The following SLC35D1 variants were observed in gnomAD, a reference collection of about 807,000 sequenced individuals.
SLC35D1 encodes nucleotide sugar transporter SLC35D1.
A neutral mutation model predicts 46.7 loss-of-function variants in SLC35D1; 31 were observed. The observed-to-expected ratio is 0.66, with a 90% CI of 0.50 to 0.90. The LOEUF (loss-of-function observed/expected upper bound fraction) is 0.90. Ranked by LOEUF, SLC35D1 falls within the 40% of genes least tolerant of loss-of-function variation. The pLI is 0.00. For missense variants in SLC35D1, 397 were observed against 426.2 expected, an observed-to-expected ratio of 0.93 and a Z score of 0.60; for synonymous variants, 195 against 164.6, an observed-to-expected ratio of 1.18 and a Z score of -1.41.
intron 7 of SLC35D1, among the ~76,000 whole-genome samples, chr1:67,044,959 A>T (rs1219170752): frequency 6.6e-6 from 1 of 152,180 alleles, no homozygotes; most frequent in Non-Finnish European, 1.5e-5. Context: ...TGCCTCTGGG[A>T]TAAACCAAGT....
At chr1:67,030,046 C>G (rs1380713470) in intron 8 of SLC35D1, among the ~76,000 whole-genome samples, 3 of 151,516 alleles carry the variant, frequency 2.0e-5, no homozygotes, top group Non-Finnish European at 4.4e-5. Flanking sequence ...AAGGCATAAC[C>G]CAGTAAGCCA....
the SLC35D1 span, among the ~76,000 whole-genome samples, chr1:66,980,802 A>G: frequency 2.6e-5 from 4 of 152,078 alleles, no homozygotes; most frequent in East Asian, 7.7e-4. Flanking sequence ...TGCAGTATCT[A>G]GTATCAGCAA....
intron 7 of SLC35D1, 51 bp downstream of exon 7, chr1:67,047,214 T>G: frequency 7.0e-7 from 1 of 1,418,650 alleles, no homozygotes; most frequent in Non-Finnish European, 9.9e-7. Flanking sequence ...TCCTATGAAT[T>G]GACATGCCAA....
intron 2 of SLC35D1, 27 bp downstream of exon 2, chr1:67,052,929 C>A (rs755767545): frequency 5.0e-6 from 8 of 1,614,020 alleles, no homozygotes; most frequent in Non-Finnish European, 6.8e-6. Context: ...CAACATAAAC[C>A]ACGTAATGGT....
intron 8 of SLC35D1, among the ~76,000 whole-genome samples, chr1:67,029,146 A>AAGTT (rs2102306141): frequency 6.6e-6 from 1 of 152,308 alleles, no homozygotes; most frequent in African/African-American, 2.4e-5. Flanking sequence ...ACAAAAACCT[A>AAGTT]AGTTGCACAT....
intron 10 of SLC35D1, among the ~76,000 whole-genome samples, chr1:67,018,544 C>T (rs113657918): frequency 6.6e-5 from 10 of 152,174 alleles, no homozygotes; most frequent in African/African-American, 2.4e-4. Context: ...AATTCTCAAA[C>T]TTTAGTATAC....
chr1:67,020,815 T>C (rs1443968264), intron 9 of SLC35D1, among the ~76,000 whole-genome samples: 2 of 152,160 alleles, frequency 1.3e-5, no homozygotes, highest in Admixed American at 6.6e-5. Context: ...CAACATGTCC[T>C]CTGGGCCAGA....
intron 8 of SLC35D1, among the ~76,000 whole-genome samples, chr1:67,024,031 G>A (rs377036860): frequency 2.0e-5 from 3 of 150,416 alleles, no homozygotes; most frequent in South Asian, 2.1e-4. Flanking sequence ...TGCAACCTCC[G>A]TCTCCTGGGT....
rs1394864122 is a variant in SLC35D1 at position 67,003,568 on chromosome 1, A to C, written c.*772T>G. ...AGTGAGATGTTTCAACTACCTCTGC[A>C]AACATCTCTGTATCCCCAGCATTTA... On this transcript the variant is annotated 3_prime_UTR_variant, in exon 12 of 12. Coordinates refer to ENST00000235345, the MANE Select transcript of SLC35D1 (RefSeq NM_015139.3). The C allele has an allele frequency of 6.6e-6, 1 of 152,526 alleles. No homozygotes were observed. Among genetic ancestry groups the C allele is most frequent in the Non-Finnish European group, 1.5e-5 (1 of 68,180 alleles). The allele number at this position is 152,526 out of a possible 1,614,324, so 9.4% of individuals were successfully genotyped here.
the SLC35D1 span, among the ~76,000 whole-genome samples, chr1:66,979,258 T>C: frequency 2.0e-5 from 3 of 152,238 alleles, no homozygotes; most frequent in Non-Finnish European, 4.4e-5. Context: ...ACCATCTCTT[T>C]CTGTTAATAG....
chr1:67,038,558 A>AT (rs1668171663), intron 8 of SLC35D1, among the ~76,000 whole-genome samples: 1 of 150,126 alleles, frequency 6.7e-6, no homozygotes, highest in Non-Finnish European at 1.5e-5. Context: ...TAAAAAAAAA[A>AT]TCCCATCTGG....
rs922357683 is a variant in SLC35D1 at position 67,001,876 on chromosome 1, G to A, written c.*2464C>T. The A allele has an allele frequency of 2.6e-5, 4 of 152,404 alleles. No homozygotes were observed. Among genetic ancestry groups the A allele is most frequent in the Non-Finnish European group, 5.9e-5 (4 of 68,080 alleles). The allele number at this position is 152,404 out of a possible 1,614,324, so 9.4% of individuals were successfully genotyped here. A position where few individuals can be genotyped will look rare whatever the true frequency, so the allele number is the denominator to read the frequency against. On this transcript the variant is annotated 3_prime_UTR_variant, in exon 12 of 12. Coordinates refer to ENST00000235345, the MANE Select transcript of SLC35D1 (RefSeq NM_015139.3). ...GCTGTACTGCTCTGGTCAGCCAGAA[G>A]TTTCAGCATAAGCCAGGGCTCCCAA...
the SLC35D1 span, among the ~76,000 whole-genome samples, chr1:66,974,638 T>C: frequency 6.6e-6 from 1 of 152,104 alleles, no homozygotes; most frequent in Non-Finnish European, 1.5e-5. Flanking sequence ...ACATAAGTAT[T>C]AAAAGTATAA....
chr1:66,993,679 A>G, the SLC35D1 span, among the ~76,000 whole-genome samples: 69 of 152,316 alleles, frequency 4.5e-4, no homozygotes, highest in South Asian at 7.0e-3. Context: ...CTGTCCAACA[A>G]TGAAACTTTC....
At chr1:66,978,261 C>A in the SLC35D1 span, among the ~76,000 whole-genome samples, 3 of 149,122 alleles carry the variant, frequency 2.0e-5, no homozygotes, top group Non-Finnish European at 4.5e-5. Flanking sequence ...TCCTAAACTG[C>A]ACTGTTTCTT....
At position 67,053,971 on chromosome 1, in the gene SLC35D1, C is replaced by T; in HGVS notation, c.43G>A (p.Glu15Lys). The change falls in exon 1 of 12, where the codon GAA becomes AAA. Residue 15 changes from glutamate (E) to lysine (K), a missense_variant. By Grantham distance (56) the Glu-to-Lys change is moderately conservative. Transcript: ENST00000235345. ...HRRQHARVKGEAPAKSSTLRD... is the reference protein window; with the variant it reads ...HRRQHARVKGKAPAKSSTLRD... ...AGTGTGGAGGATTTCGCGGGGGCTT[C>T]TCCTTTAACCCGAGCATGCTGACGT... The T allele has an allele frequency of 6.2e-7, 1 of 1,613,394 alleles. No individual in the cohort carries two copies. The highest frequency in any genetic ancestry group is 8.5e-7 in the Non-Finnish European group (1 of 1,179,566).
Position 67,001,102 on chromosome 1 carries a change from A to G in SLC35D1, c.*3238T>C, listed in dbSNP as rs1397807672. On this transcript the variant is annotated 3_prime_UTR_variant, in exon 12 of 12. Coordinates refer to ENST00000235345, the MANE Select transcript of SLC35D1 (RefSeq NM_015139.3). ...TTATCTTTTTTCCAGAGCTTAGCAA[A>G]ATACTTGGCATACAAGAGCTGCTCA... is the stretch of plus-strand genomic sequence containing the variant. The G allele has an allele frequency of 6.6e-6, 1 of 152,304 alleles. No homozygotes were observed. Among genetic ancestry groups the G allele is most frequent in the East Asian group, 1.9e-4 (1 of 5,328 alleles). The allele number at this position is 152,304 out of a possible 1,614,324, so 9.4% of individuals were successfully genotyped here.
At position 67,052,839 on chromosome 1, in the gene SLC35D1, C is replaced by A; in HGVS notation, c.256G>T (p.Val86Phe). The change falls in exon 3 of 12, where the codon GTT becomes TTT. Residue 86 changes from valine to phenylalanine, a missense_variant. By Grantham distance (50) the Val-to-Phe change is conservative. Coordinates refer to ENST00000235345, the MANE Select transcript of SLC35D1 (RefSeq NM_015139.3). ...GLGQMVATVA[V>F]LWVGKALRVV... ...CTGAGCGCCTTTCCCACCCAGAGAA[C>A]TGCCACTGTGGCCACCATCTGTAAA... 1 of 1,614,208 alleles carries A rather than the reference C, an allele frequency of 6.2e-7. No individual in the cohort carries two copies. The highest frequency in any genetic ancestry group is 8.5e-7 in the Non-Finnish European group (1 of 1,180,034).
At chr1:66,994,913 CAAAAAAAGAAAAAAAA>C (rs1667221963), downstream of SLC35D1, among the ~76,000 whole-genome samples, 2 of 68,724 alleles carry the variant, frequency 2.9e-5, no homozygotes, top group Non-Finnish European at 5.9e-5. Flanking sequence ...CACATTTAGG[CAAAAAAAGAAAAAAAA>C]AAAAAAAGAA....
Sources: gnomAD v4.1 joint callset for allele counts (sites outside exome capture counted in the v4.1 genomes callset) on GRCh38, gnomAD v4.1.1 for gene constraint, MANE v1.5 for transcripts, NCBI Gene and HGNC (gene_info 2026-07-23, HGNC 2026-07-21) for gene names.